The following TRIM33 variants were observed in gnomAD, a reference collection of about 807,000 sequenced individuals.
TRIM33 encodes the protein tripartite motif containing 33, also known as E3 ubiquitin-protein ligase TRIM33.
Under a neutral mutation model 125.4 loss-of-function variants are expected in TRIM33, and 20 were observed. The observed-to-expected ratio is 0.16, with a 90% CI of 0.11 to 0.23. TRIM33 has a LOEUF of 0.23. TRIM33 is among the 10% of genes least tolerant of loss of function. TRIM33 has a pLI of 1.00. For missense variants in TRIM33, 920 were observed against 1,411.4 expected (o/e 0.65, Z 5.58); for synonymous variants, 564 against 513.9 (o/e 1.10, Z -1.32).
chr1:114,480,525 A>G (rs1206291779), intron 1 of TRIM33, among the ~76,000 whole-genome samples: 1 of 150,644 alleles, frequency 6.6e-6, no homozygotes, highest in Non-Finnish European at 1.5e-5. Flanking sequence ...CCGCCTTAAA[A>G]AAAAAAAAAA....
intron 6 of TRIM33, among the ~76,000 whole-genome samples, chr1:114,428,171 T>C (rs989508642): frequency 1.3e-5 from 2 of 152,232 alleles, no homozygotes; most frequent in Non-Finnish European, 2.9e-5. Flanking sequence ...AATAGTGTCT[T>C]CCTATTAGAT....
intron 1 of TRIM33, among the ~76,000 whole-genome samples, chr1:114,473,748 T>G (rs1030678489): frequency 3.3e-5 from 5 of 151,852 alleles, no homozygotes; most frequent in Admixed American, 6.6e-5. Context: ...GAGGAACCAA[T>G]GAACAACAAT....
rs977494943 is a variant in TRIM33, at chr1:114,393,122, GTAA to G, written c.*4523_*4525del. The G allele has an allele frequency of 3.3e-5, 7 of 208,974 alleles. No homozygotes were observed. The highest frequency in any genetic ancestry group is 1.9e-4 in the South Asian group (1 of 5,318). 12.9% of individuals were successfully genotyped at this position (208,974 alleles called of 1,614,324 possible). On this transcript the variant is annotated 3_prime_UTR_variant, in exon 20 of 20. Transcript: ENST00000358465. ...ATGTGCAAAAATAATAGTACTAGTA[GTAA>G]TAATAATAATGAGGGGAGGAGACCA...
intron 1 of TRIM33, among the ~76,000 whole-genome samples, chr1:114,501,120 G>A (rs1652686815): frequency 1.6e-5 from 2 of 121,516 alleles, no homozygotes; most frequent in East Asian, 2.0e-4. Context: ...AACCCGGGAG[G>A]CGGAGCTTGC....
chr1:114,425,530 T>C lies in TRIM33; in HGVS notation c.1614A>G (p.Gln538=), dbSNP rs761393746. 5.6e-6 allele frequency: 9 copies of C among 1,614,176 alleles called. No homozygotes were observed. Among genetic ancestry groups the C allele is most frequent in the South Asian group, 2.2e-5 (2 of 91,084 alleles). ...TTGTAGTTGGTACAGGTGCTGGTGG[T>C]TGCTGCATCCTCATCTGTTGCAACT... is the stretch of plus-strand genomic sequence containing the variant. ...HQQLQQMRMQ[Q]PPAPVPTTTT... The change falls in exon 9 of 20, where the codon CAA becomes CAG. Residue 538 remains glutamine (Q), a synonymous_variant. Transcript: ENST00000358465.
chr1:114,430,139 T>C (rs1647850661), intron 6 of TRIM33, among the ~76,000 whole-genome samples: 1 of 151,996 alleles, frequency 6.6e-6, no homozygotes, highest in African/African-American at 2.4e-5. Context: ...CATGAATCTA[T>C]ATGGTAAAAT....
intron 6 of TRIM33, among the ~76,000 whole-genome samples, chr1:114,430,414 T>C (rs1044813431): frequency 2.0e-5 from 3 of 152,086 alleles, no homozygotes; most frequent in African/African-American, 7.2e-5. Context: ...TGGCTAATTT[T>C]TGTATTTTTT....
intron 1 of TRIM33, among the ~76,000 whole-genome samples, chr1:114,482,641 A>C (rs1243110511): frequency 6.6e-6 from 1 of 152,212 alleles, no homozygotes; most frequent in Non-Finnish European, 1.5e-5. Context: ...GTTGAATTGT[A>C]ATCTCCAATG....
intron 1 of TRIM33, among the ~76,000 whole-genome samples, chr1:114,503,087 T>C (rs775711338): frequency 6.6e-6 from 1 of 152,238 alleles, no homozygotes; most frequent in Non-Finnish European, 1.5e-5. Context: ...TTTTCTTTGA[T>C]ATAACACAAA....
At chr1:114,448,638 G>C (rs1046292432) in intron 4 of TRIM33, among the ~76,000 whole-genome samples, 1 of 152,142 alleles carries the variant, frequency 6.6e-6, no homozygotes, top group Non-Finnish European at 1.5e-5. Context: ...CTAAATGCAA[G>C]GGAGTGATTA....
chr1:114,425,344 C>G, intron 9 of TRIM33, 105 bp downstream of exon 9: 1 of 1,420,762 alleles, frequency 7.0e-7, no homozygotes, highest in Non-Finnish European at 9.6e-7. Context: ...GAACTCTGCT[C>G]AGTCTTGCTA....
At chr1:114,457,557 GAAATAGTTTGC>G (rs1267529286) in intron 4 of TRIM33, among the ~76,000 whole-genome samples, 1 of 152,164 alleles carries the variant, frequency 6.6e-6, no homozygotes, top group African/African-American at 2.4e-5. Flanking sequence ...CTATAAAATA[GAAATAGTTTGC>G]ACAGGATTTA....
chr1:114,502,963 T>C (rs1652797223), intron 1 of TRIM33, among the ~76,000 whole-genome samples: 1 of 152,252 alleles, frequency 6.6e-6, no homozygotes, highest in Non-Finnish European at 1.5e-5. Context: ...CATTTAATGT[T>C]TCAATATGTT....
chr1:114,479,080 T>G (rs1429388458), intron 1 of TRIM33, among the ~76,000 whole-genome samples: 1 of 152,148 alleles, frequency 6.6e-6, no homozygotes, highest in African/African-American at 2.4e-5. Flanking sequence ...AGTGAACTTG[T>G]AGATGGATAA....
At chr1:114,461,014 C>T (rs2101367719) in intron 4 of TRIM33, among the ~76,000 whole-genome samples, 1 of 151,726 alleles carries the variant, frequency 6.6e-6, no homozygotes, top group South Asian at 2.1e-4. Flanking sequence ...TGGGAACCGC[C>T]CCGCCCCACC....
chr1:114,434,606 T>C (rs1648165438), intron 4 of TRIM33, among the ~76,000 whole-genome samples: 1 of 152,238 alleles, frequency 6.6e-6, no homozygotes, highest in Non-Finnish European at 1.5e-5. Flanking sequence ...TTTGCTACTT[T>C]TATTTCCTTT....
intron 4 of TRIM33, among the ~76,000 whole-genome samples, chr1:114,444,120 C>T (rs1050192039): frequency 2.6e-5 from 4 of 152,004 alleles, no homozygotes; most frequent in Admixed American, 6.6e-5. Context: ...GGGCTAGAGG[C>T]GAAGTAGAGC....
chr1:114,451,398 G>GA (rs1649307758), intron 4 of TRIM33, among the ~76,000 whole-genome samples: 1 of 143,976 alleles, frequency 6.9e-6, no homozygotes, highest in Admixed American at 6.9e-5. Context: ...AAAAAGGACT[G>GA]AAATCCCCAT....
At chr1:114,484,997 A>C (rs1027502068) in intron 1 of TRIM33, among the ~76,000 whole-genome samples, 1 of 151,952 alleles carries the variant, frequency 6.6e-6, no homozygotes, top group African/African-American at 2.4e-5. Context: ...GGTTGCAGTG[A>C]GCCGAGATCA....
Sources: gnomAD v4.1 joint callset for allele counts (sites outside exome capture counted in the v4.1 genomes callset) on GRCh38, gnomAD v4.1.1 for gene constraint, MANE v1.5 for transcripts, NCBI Gene and HGNC (gene_info 2026-07-23, HGNC 2026-07-21) for gene names.